The following PCDH17 variants were observed in gnomAD, a reference collection of about 807,000 sequenced individuals.
The protein encoded by PCDH17 is protocadherin-17.
In PCDH17, 21 loss-of-function variants were observed where a neutral mutation model predicts 67.7. The ratio of observed to expected loss-of-function variants is 0.31; its 90% CI spans 0.22 to 0.45. The LOEUF is 0.45. Ranked by LOEUF, PCDH17 falls within the 20% of genes least tolerant of loss-of-function variation. The pLI is 1.00. For synonymous variants in PCDH17, 701 were observed against 656.7 expected, an observed-to-expected ratio of 1.07 and a Z score of -1.03; for missense variants, 1,471 against 1,564.8, an observed-to-expected ratio of 0.94 and a Z score of 1.01.
chr13:57,640,830 A>T (rs938549105), intron 1 of PCDH17, among the ~76,000 whole-genome samples: 13 of 151,974 alleles, frequency 8.6e-5, no homozygotes, highest in Admixed American at 5.9e-4. Context: ...GTAAAACTTA[A>T]CTCCCTAATG....
intron 1 of PCDH17, among the ~76,000 whole-genome samples, chr13:57,656,698 C>T (rs1158322330): frequency 6.6e-6 from 1 of 152,070 alleles, no homozygotes; most frequent in Non-Finnish European, 1.5e-5. Context: ...ATAAGTCTGG[C>T]TGAGAGATAG....
intron 3 of PCDH17, among the ~76,000 whole-genome samples, chr13:57,712,248 C>T (rs1282544992): frequency 6.6e-6 from 1 of 151,668 alleles, no homozygotes; most frequent in Non-Finnish European, 1.5e-5. Context: ...TCATCTGGAC[C>T]TTAAAAATGT....
At position 57,634,460 on chromosome 13, in the gene PCDH17, C is replaced by G; in HGVS notation, c.1914C>G (p.Ile638Met). ...VDGNDDHLFE[I>M]DPSSGEIRTL... ...GCAACGACGACCACCTGTTTGAGAT[C>G]GACCCGTCCAGCGGCGAGATCCGCA... Residue 638 changes from isoleucine to methionine, a missense_variant, in exon 1 of 4, where the codon ATC becomes ATG. Transcript: ENST00000377918. This position sits in a 1 kb window ranked among gnomAD's most constrained non-coding sequence, Gnocchi z 7.8. 2 of 1,612,766 alleles carry G rather than the reference C, an allele frequency of 1.2e-6. No individual in the cohort carries two copies. Among genetic ancestry groups the G allele is most frequent in the South Asian group, 2.2e-5 (2 of 91,058 alleles).
At chr13:57,641,099 A>G (rs549622912) in intron 1 of PCDH17, among the ~76,000 whole-genome samples, 6 of 151,936 alleles carry the variant, frequency 3.9e-5, no homozygotes, top group Non-Finnish European at 8.8e-5. Flanking sequence ...TTTTGAAGAT[A>G]ATGTGACTTC....
chr13:57,680,426 G>T (rs1186504369), intron 3 of PCDH17, among the ~76,000 whole-genome samples: 1 of 151,634 alleles, frequency 6.6e-6, no homozygotes, highest in Admixed American at 6.6e-5. Flanking sequence ...GGAGTGTAGG[G>T]TTATCATGGA....
chr13:57,632,487 C>G lies in PCDH17; in HGVS notation c.-60C>G, dbSNP rs898615576. On this transcript the variant is annotated 5_prime_UTR_variant, in exon 1 of 4. Coordinates refer to ENST00000377918, the MANE Select transcript of PCDH17 (RefSeq NM_001040429.3). ...GCTGCGCCAGGGCCCCAGGCTGGCG[C>G]GCACTCCCTCTCTGGCTCCTCCAGT... 19 of 1,524,306 alleles carry G rather than the reference C, an allele frequency of 1.2e-5. No homozygotes were observed. The highest frequency in any genetic ancestry group is 2.8e-5 in the African/African-American group (2 of 72,124). The allele number at this position is 1,524,306 out of a possible 1,614,324, so 94.4% of individuals were successfully genotyped here.
At chr13:57,639,113 G>C (rs1320615776) in intron 1 of PCDH17, among the ~76,000 whole-genome samples, 2 of 151,802 alleles carry the variant, frequency 1.3e-5, no homozygotes, top group Admixed American at 6.6e-5. Context: ...CTGGTATCTT[G>C]AGTAGGAAAG....
At position 57,634,853 on chromosome 13, in the gene PCDH17, G is replaced by A. The variant is rs77228191; in HGVS notation, c.2307G>A (p.Leu769=). 55 of 1,614,074 alleles carry A rather than the reference G, an allele frequency of 3.4e-5. No individual in the cohort carries two copies. The highest frequency in any genetic ancestry group is 5.3e-5 in the African/African-American group (4 of 75,002). Residue 769 remains leucine, a synonymous_variant, in exon 1 of 4, where the codon CTG becomes CTA. Transcript: ENST00000377918. This position sits in a 1 kb window ranked among gnomAD's most constrained non-coding sequence, Gnocchi z 7.8. The part of the protein sequence containing the change: ...KKKINKNDIM[L]VQSEVEERNA... Reference sequence around the variant, plus strand: ...AGATCAACAAAAATGATATCATGCTGGTGCAGAGCGAAGTGGAGGAGAGGA... The same window carrying A: ...AGATCAACAAAAATGATATCATGCTAGTGCAGAGCGAAGTGGAGGAGAGGA...
chr13:57,725,909 AAAAC>A lies in PCDH17; in HGVS notation c.*619_*622del, dbSNP rs903891901. ...CATTCCATATCATTAGTCGAAAACA[AAAAC>A]AAAAAAAAAACCTTTGGTCATTTGT... is the stretch of plus-strand genomic sequence containing the variant. On this transcript the variant is annotated 3_prime_UTR_variant, in exon 4 of 4. Transcript: ENST00000377918. The A allele has an allele frequency of 6.6e-6, 1 of 152,630 alleles. No individual in the cohort carries two copies. Among genetic ancestry groups the A allele is most frequent in the Non-Finnish European group, 1.5e-5 (1 of 68,046 alleles). 9.5% of individuals were successfully genotyped at this position (152,630 alleles called of 1,614,324 possible).
chr13:57,649,315 T>A (rs887073319), intron 1 of PCDH17, among the ~76,000 whole-genome samples: 12 of 152,160 alleles, frequency 7.9e-5, no homozygotes, highest in African/African-American at 2.9e-4. Flanking sequence ...GGAGAATCCG[T>A]CCAAGGGCAA....
rs1954767534 is a variant in PCDH17 at position 57,633,689 on chromosome 13, T to C, written c.1143T>C (p.Ser381=). The change falls in exon 1 of 4, where the codon TCT becomes TCC. Residue 381 remains serine (S), a synonymous_variant. Coordinates refer to ENST00000377918, the MANE Select transcript of PCDH17 (RefSeq NM_001040429.3). This position sits in a 1 kb window ranked among gnomAD's most constrained non-coding sequence, Gnocchi z 6.2. ...IALVRVTDRD[S]GKNGQLQCRV... is the part of the protein sequence containing the mutation. ...TGGTGCGGGTCACTGACCGGGACTC[T>C]GGCAAGAACGGACAGCTGCAGTGTC... 3 of 1,603,578 alleles carry C rather than the reference T, an allele frequency of 1.9e-6. No individual in the cohort carries two copies. Among genetic ancestry groups the C allele is most frequent in the African/African-American group, 2.7e-5 (2 of 74,880 alleles).
Position 57,634,541 on chromosome 13 carries a change from G to A in PCDH17, c.1995G>A (p.Val665=), listed in dbSNP as rs1218332562. 1.2e-6 allele frequency: 2 copies of A among 1,612,958 alleles called. No homozygotes were observed. The highest frequency in any genetic ancestry group is 1.7e-6 in the Non-Finnish European group (2 of 1,180,006). ...CCGTGGTGGAGCTGGTGGTGAAGGT[G>A]ACCGACCACGGCAAGCCTACCCTGT... The part of the protein sequence containing the change: ...VTPVVELVVK[V]TDHGKPTLSA... The change falls in exon 1 of 4, where the codon GTG becomes GTA. Residue 665 remains valine, a synonymous_variant. Transcript: ENST00000377918. The surrounding 1 kb of genome is among the most constrained non-coding windows in gnomAD (Gnocchi z 7.8).
chr13:57,666,557 T>TC (rs774393900), intron 2 of PCDH17, 31 bp downstream of exon 2: 16 of 1,610,968 alleles, frequency 9.9e-6, no homozygotes, highest in East Asian at 6.7e-5. Context: ...TTTCTCAGCT[T>TC]CCCCATTTGC....
intron 3 of PCDH17, among the ~76,000 whole-genome samples, chr13:57,684,755 C>T (rs1955490361): frequency 6.6e-6 from 1 of 151,882 alleles, no homozygotes; most frequent in Admixed American, 6.6e-5. Flanking sequence ...AAGTATTTTA[C>T]TTCACTGGTT....
chr13:57,687,110 G>A (rs965533585), intron 3 of PCDH17, among the ~76,000 whole-genome samples: 5 of 151,938 alleles, frequency 3.3e-5, no homozygotes, highest in South Asian at 2.1e-4. Flanking sequence ...ATGGCACATC[G>A]TGCAATTCTA....
Position 57,634,705 on chromosome 13 carries a change from T to C in PCDH17, c.2159T>C (p.Leu720Pro). The stretch of plus-strand genomic sequence containing the variant: ...CTGAGCACTATCTCCATCATCCTCC[T>C]AGCGGCCATGATCACCATCGCCGTC... Reference protein sequence around the residue: ...VTLSTISIILLAAMITIAVKC... With the variant: ...VTLSTISIILPAAMITIAVKC... The change falls in exon 1 of 4, where the codon CTA becomes CCA. Residue 720 changes from leucine (L) to proline (P), a missense_variant. Coordinates refer to ENST00000377918, the MANE Select transcript of PCDH17 (RefSeq NM_001040429.3). The surrounding 1 kb of genome is among the most constrained non-coding windows in gnomAD (Gnocchi z 7.8). The C allele has an allele frequency of 6.2e-7, 1 of 1,613,850 alleles. No homozygotes were observed. The highest frequency in any genetic ancestry group is 8.5e-7 in the Non-Finnish European group (1 of 1,180,014).
At chr13:57,697,134 C>G (rs765559949) in intron 3 of PCDH17, among the ~76,000 whole-genome samples, 46 of 151,554 alleles carry the variant, frequency 3.0e-4, no homozygotes, top group Non-Finnish European at 5.8e-4. Context: ...TCAAATGCCC[C>G]TCTCTTCATT....
At chr13:57,667,024 C>A (rs2138024939) in intron 3 of PCDH17, among the ~76,000 whole-genome samples, 191 bp downstream of exon 3, 1 of 152,186 alleles carries the variant, frequency 6.6e-6, no homozygotes, top group Non-Finnish European at 1.5e-5. Flanking sequence ...AAAACGAAGG[C>A]CCTGGGTATC....
intron 1 of PCDH17, among the ~76,000 whole-genome samples, chr13:57,640,716 C>A (rs577034961): frequency 1.2e-4 from 19 of 152,040 alleles, no homozygotes; most frequent in African/African-American, 4.6e-4. Flanking sequence ...GAGAAGATGG[C>A]AGGAGAGCTG....
Sources: gnomAD v4.1 joint callset for allele counts (sites outside exome capture counted in the v4.1 genomes callset) on GRCh38, gnomAD v4.1.1 for gene constraint, Gnocchi (gnomAD v3.1) non-coding constraint, MANE v1.5 for transcripts, NCBI Gene and HGNC (gene_info 2026-07-23, HGNC 2026-07-21) for gene names.